The following LARGE1 variants were observed in gnomAD, a reference collection of about 807,000 sequenced individuals.
The protein encoded by LARGE1 is xylosyl- and glucuronyltransferase LARGE1.
Under a neutral mutation model 87.6 loss-of-function variants are expected in LARGE1, and 43 were observed. The observed-to-expected ratio is 0.49, with a 90% CI of 0.38 to 0.63. The LOEUF is 0.63. LARGE1 is among the 30% of genes least tolerant of loss of function. The pLI is 0.00. For missense variants in LARGE1, 802 were observed against 1,000.2 expected (o/e 0.80, Z 2.67); for synonymous variants, 434 against 394.6 (o/e 1.10, Z -1.18).
intron 1 of LARGE1, among the ~76,000 whole-genome samples, chr22:33,786,999 T>C (rs1462096539): frequency 4.3e-5 from 6 of 140,300 alleles, no homozygotes; most frequent in Middle Eastern, 3.8e-3. Flanking sequence ...CCAGCCTGGG[T>C]GACAGAGTGA....
chr22:33,517,039 A>G (rs1282524504), intron 6 of LARGE1, among the ~76,000 whole-genome samples: 1 of 152,220 alleles, frequency 6.6e-6, no homozygotes, highest in Non-Finnish European at 1.5e-5. Context: ...CTACATTAAA[A>G]AAGGGACGAG....
rs370730664 is a variant in LARGE1, at chr22:33,571,275, C to T, written c.616-6256G>A. Among the ~76,000 whole-genome samples, 89 of 152,240 alleles carry T rather than the reference C, an allele frequency of 5.8e-4. 3 individuals carry two copies. In the East Asian group the frequency reaches 0.01, roughly 18 times the overall value. On this transcript the variant is annotated intron_variant, in intron 5 of 14. Coordinates refer to ENST00000397394, the MANE Select transcript of LARGE1 (RefSeq NM_133642.5). ...GGGATGCTCTCAAAGGGAAATCTGC[C>T]TTCTTGAAGAAGCTGCCAATTACCA... is the stretch of plus-strand genomic sequence containing the variant.
chr22:33,344,102 G>A (rs1957092550), intron 9 of LARGE1, among the ~76,000 whole-genome samples: 1 of 152,138 alleles, frequency 6.6e-6, no homozygotes, highest in African/African-American at 2.4e-5. Flanking sequence ...GATTAAGGGT[G>A]GATTTGCCTT....
chr22:33,728,991 C>CA (rs34188470), intron 2 of LARGE1, among the ~76,000 whole-genome samples: 3 of 151,776 alleles, frequency 2.0e-5, no homozygotes, highest in East Asian at 1.9e-4. Flanking sequence ...CCCCTCCCCA[C>CA]AAAAAAAGGC....
intron 11 of LARGE1, among the ~76,000 whole-genome samples, chr22:33,193,449 A>G (rs1325953937): frequency 1.3e-5 from 2 of 152,220 alleles, no homozygotes; most frequent in South Asian, 2.1e-4. Context: ...AGAGATAGAT[A>G]TAAGAAATCA....
intron 3 of LARGE1, among the ~76,000 whole-genome samples, chr22:33,634,235 C>T (rs1198985308): frequency 6.6e-6 from 1 of 152,170 alleles, no homozygotes; most frequent in East Asian, 1.9e-4. Context: ...CTCTCCAACT[C>T]CAGTATGCAT....
At chr22:33,796,456 A>G (rs140294255) in intron 1 of LARGE1, among the ~76,000 whole-genome samples, 119 of 152,310 alleles carry the variant, frequency 7.8e-4, no homozygotes, top group African/African-American at 2.3e-3. Flanking sequence ...ACCTCTTTTG[A>G]GCCCCCGCTA....
chr22:33,079,829 A>G, the LARGE1 span, among the ~76,000 whole-genome samples: 1 of 152,160 alleles, frequency 6.6e-6, no homozygotes, highest in Non-Finnish European at 1.5e-5. Flanking sequence ...AGAAGAAGGA[A>G]GGAAAAGATG....
chr22:33,883,016 G>T (rs2146771890), intron 1 of LARGE1, among the ~76,000 whole-genome samples: 1 of 152,250 alleles, frequency 6.6e-6, no homozygotes, highest in African/African-American at 2.4e-5. Context: ...ATCACTTTGG[G>T]CCCTGGATTG....
At chr22:33,771,224 T>C (rs2085060367) in intron 1 of LARGE1, among the ~76,000 whole-genome samples, 1 of 151,240 alleles carries the variant, frequency 6.6e-6, no homozygotes, top group Non-Finnish European at 1.5e-5. Context: ...GCTGCCACGG[T>C]TTGTTACTAT....
the LARGE1 span, among the ~76,000 whole-genome samples, chr22:33,089,476 C>CTTCCTCTTCCTCTTCCTCTTCT: frequency 1.1e-5 from 1 of 90,754 alleles, no homozygotes; most frequent in African/African-American, 6.2e-5. Flanking sequence ...CTTCTTCTTC[C>CTTCCTCTTCCTCTTCCTCTTCT]TCTTCCTCTT....
intron 9 of LARGE1, among the ~76,000 whole-genome samples, chr22:33,339,812 A>G (rs1460046966): frequency 6.6e-6 from 1 of 152,094 alleles, no homozygotes; most frequent in Non-Finnish European, 1.5e-5. Flanking sequence ...GGGACCAGGC[A>G]CATGCCACTA....
chr22:33,487,328 A>C (rs2069632126), intron 6 of LARGE1, among the ~76,000 whole-genome samples: 1 of 152,176 alleles, frequency 6.6e-6, no homozygotes, highest in Admixed American at 6.5e-5. Flanking sequence ...TCCTGTCCTC[A>C]TCACAGGTCT....
At chr22:33,224,916 A>T (rs1376558120) in intron 11 of LARGE1, among the ~76,000 whole-genome samples, 1 of 152,268 alleles carries the variant, frequency 6.6e-6, no homozygotes, top group Non-Finnish European at 1.5e-5. Flanking sequence ...GACAAGGGAA[A>T]AGAGATTGAT....
In LARGE1 at chr22:33,465,213, T is replaced by C. The variant is rs536632792; in HGVS notation, c.788-32948A>G. Among the ~76,000 whole-genome samples, 8 of 152,356 alleles carry C rather than the reference T, an allele frequency of 5.3e-5. No homozygotes were observed. The South Asian group carries it at 1.2e-3, about 24-fold the overall frequency. ...GAAGCAAGTCACAGAAGTATTAATA[T>C]AGAATGCTTCCACTGTATAAAGCTA... is the stretch of plus-strand genomic sequence containing the variant. On this transcript the variant is annotated intron_variant, in intron 6 of 14. Coordinates refer to ENST00000397394, the MANE Select transcript of LARGE1 (RefSeq NM_133642.5).
chr22:33,756,637 C>T (rs530415058), intron 2 of LARGE1, among the ~76,000 whole-genome samples: 20 of 152,062 alleles, frequency 1.3e-4, no homozygotes, highest in African/African-American at 4.8e-4. Context: ...AAGAATCTGG[C>T]GTGGCTGGGT....
chr22:33,884,400 G>A (rs997577788), intron 1 of LARGE1, among the ~76,000 whole-genome samples: 4 of 152,248 alleles, frequency 2.6e-5, no homozygotes, highest in African/African-American at 9.6e-5. Flanking sequence ...GGGTGAGTCA[G>A]TGTGGGAGAA....
chr22:33,131,408 C>T, the LARGE1 span, among the ~76,000 whole-genome samples: 1 of 152,040 alleles, frequency 6.6e-6, no homozygotes, highest in East Asian at 1.9e-4. Context: ...TCTCTCATGT[C>T]TCATTGCCTA....
intron 13 of LARGE1, among the ~76,000 whole-genome samples, chr22:33,280,339 GAA>G (rs1930196378): frequency 7.1e-6 from 1 of 141,714 alleles, no homozygotes; most frequent in South Asian, 2.3e-4. Flanking sequence ...AAAAAAAAGA[GAA>G]AGAGAAAATT....
Sources: allele counts gnomAD v4.1 joint callset (sites outside exome capture counted in the v4.1 genomes callset), GRCh38; gene constraint gnomAD v4.1.1; transcripts MANE v1.5; gene names NCBI Gene and HGNC (gene_info 2026-07-23, HGNC 2026-07-21).